NBAS: variants seen among roughly 807,000 people sequenced by gnomAD.
The protein encoded by NBAS is NBAS subunit of NRZ tethering complex, also known as NAG/BC035112 fusion.
NBAS carries 219 observed loss-of-function variants against 302.5 expected under a neutral mutation model. That is an observed-to-expected ratio of 0.72 (90% CI 0.65 to 0.81). The LOEUF is 0.81. Among genes scored for constraint, NBAS ranks in the 30% least tolerant of loss-of-function variants. The pLI is 0.00. For missense variants in NBAS, 2,932 were observed against 2,841.6 expected, an observed-to-expected ratio of 1.03 and a Z score of -0.72; for synonymous variants, 1,118 against 1,021.6, an observed-to-expected ratio of 1.09 and a Z score of -1.80.
chr2:15,149,464 G>A, the NBAS span, among the ~76,000 whole-genome samples: 1 of 152,112 alleles, frequency 6.6e-6, no homozygotes, highest in Non-Finnish European at 1.5e-5. Flanking sequence ...TTTGGTTTTG[G>A]TTTAGTTTTT....
intron 21 of NBAS, among the ~76,000 whole-genome samples, chr2:15,442,407 G>C (rs1004536885): frequency 6.6e-6 from 1 of 151,236 alleles, no homozygotes; most frequent in African/African-American, 2.4e-5. Context: ...TGACTACTGG[G>C]TACATAACAA....
intron 44 of NBAS, among the ~76,000 whole-genome samples, chr2:15,245,384 C>G (rs1668047486): frequency 6.6e-6 from 1 of 152,114 alleles, no homozygotes; most frequent in South Asian, 2.1e-4. Context: ...TGACTTGACC[C>G]TCTACTTCTC....
chr2:15,444,763 AGG>A (rs1284794091), intron 21 of NBAS, among the ~76,000 whole-genome samples: 1 of 152,070 alleles, frequency 6.6e-6, no homozygotes, highest in African/African-American at 2.4e-5. Context: ...CATCTGACAA[AGG>A]GCTAATATCC....
chr2:14,902,182 A>G, the NBAS span, among the ~76,000 whole-genome samples: 1 of 152,290 alleles, frequency 6.6e-6, no homozygotes, highest in Admixed American at 6.5e-5. Flanking sequence ...CCCAGGCTAG[A>G]GTGCAGTGGC....
intron 12 of NBAS, among the ~76,000 whole-genome samples, chr2:15,479,560 A>G (rs970159516): frequency 2.0e-5 from 3 of 152,226 alleles, no homozygotes; most frequent in African/African-American, 7.2e-5. Flanking sequence ...ATTATGATTC[A>G]GCCTTGGATA....
chr2:14,863,319 G>C, the NBAS span, among the ~76,000 whole-genome samples: 2 of 152,186 alleles, frequency 1.3e-5, no homozygotes, highest in Admixed American at 6.5e-5. Flanking sequence ...TCTGAAAAGA[G>C]AGTCAGGAAG....
At chr2:14,958,056 G>A in the NBAS span, among the ~76,000 whole-genome samples, 36 of 152,200 alleles carry the variant, frequency 2.4e-4, no homozygotes, top group Non-Finnish European at 4.7e-4. Flanking sequence ...TGTGCATATG[G>A]TGAGTTTGCC....
downstream of NBAS, among the ~76,000 whole-genome samples, chr2:15,165,281 A>G (rs1307459461): frequency 2.0e-5 from 3 of 152,206 alleles, no homozygotes; most frequent in Admixed American, 6.5e-5. Flanking sequence ...GTGCCATCAG[A>G]GCTCTAGGAA....
Position 15,166,956 on chromosome 2 carries a change from G to A in NBAS, c.*92C>T. The A allele has an allele frequency of 6.9e-7, 1 of 1,440,162 alleles. No homozygotes were observed. Among genetic ancestry groups the A allele is most frequent in the African/African-American group, 1.4e-5 (1 of 70,486 alleles). The allele number at this position is 1,440,162 out of a possible 1,614,324, so 89.2% of individuals were successfully genotyped here. A position where few individuals can be genotyped will look rare whatever the true frequency, so the allele number is the denominator to read the frequency against. On this transcript the variant is annotated 3_prime_UTR_variant, in exon 52 of 52. Transcript: ENST00000281513. ...TTTATTTGCAATTTGTTGGAACCAT[G>A]GAGAACAATCGGCAGATACACATGT...
chr2:15,261,068 AGG>A (rs1668830082), intron 44 of NBAS, among the ~76,000 whole-genome samples: 1 of 152,212 alleles, frequency 6.6e-6, no homozygotes, highest in South Asian at 2.1e-4. Context: ...GATGGCTTGC[AGG>A]AGCCAGCAAA....
chr2:14,891,282 A>T, the NBAS span, among the ~76,000 whole-genome samples: 4 of 152,254 alleles, frequency 2.6e-5, no homozygotes, highest in African/African-American at 9.6e-5. Flanking sequence ...TGACATAAAT[A>T]AAATGTAGAG....
chr2:14,913,180 C>T, the NBAS span, among the ~76,000 whole-genome samples: 4 of 152,230 alleles, frequency 2.6e-5, no homozygotes, highest in East Asian at 1.9e-4. Context: ...GGCTGCAATC[C>T]GCATTGGCAT....
In NBAS at chr2:15,167,366, T is replaced by C. The variant is rs369144954; in HGVS notation, c.6841-43A>G. On this transcript the variant is annotated intron_variant, in intron 51 of 51. Transcript: ENST00000281513. Reference sequence around the variant, plus strand: ...GGCACAGCGTGAGGGGGTGTTTGCTTTGTTCGCCTCCCCCTTGGATCCCTC... The same window carrying C: ...GGCACAGCGTGAGGGGGTGTTTGCTCTGTTCGCCTCCCCCTTGGATCCCTC... The C allele has an allele frequency of 3.1e-6, 5 of 1,609,274 alleles. No individual in the cohort carries two copies. The African/African-American group carries it at 5.3e-5, about 17-fold the overall frequency.
At chr2:15,326,164 A>G (rs1320458187) in intron 38 of NBAS, among the ~76,000 whole-genome samples, 1 of 152,240 alleles carries the variant, frequency 6.6e-6, no homozygotes, top group Non-Finnish European at 1.5e-5. Flanking sequence ...TAATAACGAA[A>G]AAGTTTGAAA....
At chr2:15,279,922 A>G (rs1398600404) in intron 42 of NBAS, among the ~76,000 whole-genome samples, 1 of 152,210 alleles carries the variant, frequency 6.6e-6, no homozygotes, top group African/African-American at 2.4e-5. Flanking sequence ...CAAAGAACCC[A>G]TATTCAAGAG....
chr2:14,844,037 G>T, the NBAS span, among the ~76,000 whole-genome samples: 2 of 152,078 alleles, frequency 1.3e-5, no homozygotes, highest in African/African-American at 4.8e-5. Context: ...GAACTTAGGG[G>T]GCATGTGACC....
Position 15,364,778 on chromosome 2 carries a change from C to G in NBAS, c.3817+1802G>C, listed in dbSNP as rs186894457. Among the ~76,000 whole-genome samples the G allele has an allele frequency of 4.1e-3, 617 of 152,206 alleles. 5 individuals are homozygous for G. Among genetic ancestry groups the G allele is most frequent in the African/African-American group, 0.013 (550 of 41,524 alleles). ...AGCCTTTGACAGAGTCCAACCCTAG[C>G]CACGATCTGATGAAATTTCATAAAA... On this transcript the variant is annotated intron_variant, in intron 32 of 51. Transcript: ENST00000281513.
Position 15,218,787 on chromosome 2 carries a change from A to T in NBAS, c.6418T>A (p.Trp2140Arg). 1 of 1,614,264 alleles carries T rather than the reference A, an allele frequency of 6.2e-7. No individual in the cohort carries two copies. Reference sequence around the variant, plus strand: ...CACTCCCTTACCTGTCTCTGGGGCCAGGAGGCTTTGAGAATGGCTTCAGTT... The same window carrying T: ...CACTCCCTTACCTGTCTCTGGGGCCTGGAGGCTTTGAGAATGGCTTCAGTT... Reference protein sequence around the residue: ...FRTEAILKASWPQRQVDIADI... With the variant: ...FRTEAILKASRPQRQVDIADI... The change falls in exon 48 of 52, where the codon TGG becomes AGG. Residue 2140 changes from tryptophan (W) to arginine (R), a missense_variant. Coordinates refer to ENST00000281513, the MANE Select transcript of NBAS (RefSeq NM_015909.4).
intron 32 of NBAS, among the ~76,000 whole-genome samples, chr2:15,357,290 C>A (rs977545051): frequency 6.6e-6 from 1 of 152,178 alleles, no homozygotes; most frequent in African/African-American, 2.4e-5. Context: ...ATTAACTAAT[C>A]AAGTATTTTC....
Sources: gnomAD v4.1 joint callset for allele counts (sites outside exome capture counted in the v4.1 genomes callset) on GRCh38, gnomAD v4.1.1 for gene constraint, MANE v1.5 for transcripts, NCBI Gene and HGNC (gene_info 2026-07-23, HGNC 2026-07-21) for gene names.